Variants in IFT80 observed in about 807,000 individuals in gnomAD.
The protein encoded by IFT80 is intraflagellar transport 80.
IFT80 carries 79 observed loss-of-function variants against 107.9 expected under a neutral mutation model. That is an observed-to-expected ratio of 0.73 (90% CI 0.61 to 0.88). The LOEUF (loss-of-function observed/expected upper bound fraction) is 0.88. Among genes scored for constraint, IFT80 ranks in the 40% least tolerant of loss-of-function variants. The pLI is 0.00. For missense variants in IFT80, 797 were observed against 914.2 expected, an observed-to-expected ratio of 0.87 and a Z score of 1.65; for synonymous variants, 299 against 300.9, an observed-to-expected ratio of 0.99 and a Z score of 0.07.
chr3:160,286,849 C>G (rs1715131069), intron 12 of IFT80, among the ~76,000 whole-genome samples: 1 of 151,832 alleles, frequency 6.6e-6, no homozygotes, highest in African/African-American at 2.4e-5. Flanking sequence ...GGTCTTTGTC[C>G]TGGAGCTTCA....
chr3:160,365,765 G>A (rs537161111), intron 6 of IFT80, among the ~76,000 whole-genome samples: 1 of 152,152 alleles, frequency 6.6e-6, no homozygotes, highest in Non-Finnish European at 1.5e-5. Context: ...ATAGGTAAGT[G>A]AGTGAAGATT....
chr3:160,283,711 A>G (rs1227982470), intron 13 of IFT80, among the ~76,000 whole-genome samples: 1 of 152,214 alleles, frequency 6.6e-6, no homozygotes, highest in East Asian at 1.9e-4. Flanking sequence ...ATTCTTTTAA[A>G]AACACTGTTA....
intron 4 of IFT80, among the ~76,000 whole-genome samples, chr3:160,376,453 C>T (rs987061821): frequency 2.6e-5 from 4 of 152,122 alleles, no homozygotes; most frequent in Non-Finnish European, 5.9e-5. Context: ...CATTGGAAAA[C>T]ATGTTAAAGA....
chr3:160,356,084 C>A lies in IFT80; in HGVS notation c.706G>T (p.Ala236Ser). The stretch of plus-strand genomic sequence containing the variant: ...AATAATTCTCCATCTGGAGCCCAGG[C>A]AACTGAAGTAATGGGATGCTCATGA... ...QPHEHPITSV[A>S]WAPDGELFAV... Residue 236 changes from alanine to serine, a missense_variant, in exon 8 of 20, where the codon GCC (alanine) becomes TCC (serine). Physicochemically the swap from Ala to Ser is moderately conservative, Grantham distance 99. Coordinates refer to ENST00000326448, the MANE Select transcript of IFT80 (RefSeq NM_020800.3). 6.2e-7 allele frequency: 1 copy of A among 1,614,136 alleles called. No homozygotes were observed. The highest frequency in any genetic ancestry group is 1.3e-5 in the African/African-American group (1 of 75,040).
At chr3:160,283,489 T>C (rs1274810755) in intron 13 of IFT80, among the ~76,000 whole-genome samples, 1 of 152,150 alleles carries the variant, frequency 6.6e-6, no homozygotes, top group African/African-American at 2.4e-5. Flanking sequence ...GAATCAGTCA[T>C]ATACCAGTTC....
At chr3:160,271,599 G>A (rs184421901) in intron 18 of IFT80, among the ~76,000 whole-genome samples, 21 of 152,102 alleles carry the variant, frequency 1.4e-4, no homozygotes, top group African/African-American at 4.1e-4. Context: ...TACCTTATTA[G>A]GTTGCAGGCA....
At chr3:160,268,309 A>G in intron 19 of IFT80, 104 bp downstream of exon 19, 1 of 1,053,060 alleles carries the variant, frequency 9.5e-7, no homozygotes, top group Non-Finnish European at 1.4e-6. Context: ...TTTAGAGGTT[A>G]AAAGATTCAA....
intron 12 of IFT80, among the ~76,000 whole-genome samples, chr3:160,292,542 C>T (rs529167452): frequency 5.1e-4 from 75 of 145,666 alleles, no homozygotes; most frequent in Non-Finnish European, 9.1e-4. Context: ...TGCAGTGGCG[C>T]GATCTCAGCT....
intron 12 of IFT80, among the ~76,000 whole-genome samples, chr3:160,289,093 T>C (rs1715329500): frequency 6.6e-6 from 1 of 152,098 alleles, no homozygotes; most frequent in South Asian, 2.1e-4. Context: ...ATAAAGAAAA[T>C]GTTGTACATA....
Position 160,331,233 on chromosome 3 carries a change from C to G in IFT80, c.778-11294G>C, listed in dbSNP as rs114891537. ...AATACTGTGACAGTTGATCTGATAACTAAGCCAGCTACTAAGTAACTTACG... is the reference window on the plus strand; with the variant it reads ...AATACTGTGACAGTTGATCTGATAAGTAAGCCAGCTACTAAGTAACTTACG... On this transcript the variant is annotated intron_variant, in intron 8 of 19. Transcript: ENST00000326448. 4.4e-3 allele frequency among the ~76,000 whole-genome samples: 673 copies of G among 152,274 alleles called. 3 individuals carry two copies. The highest frequency in any genetic ancestry group is 7.1e-3 in the Non-Finnish European group (480 of 68,020).
chr3:160,302,428 T>C (rs1320557052), intron 11 of IFT80, among the ~76,000 whole-genome samples: 1 of 152,050 alleles, frequency 6.6e-6, no homozygotes, highest in African/African-American at 2.4e-5. Context: ...TGACATATAT[T>C]AGTATATATT....
chr3:160,331,432 T>C (rs955362142), intron 8 of IFT80, among the ~76,000 whole-genome samples: 2 of 152,144 alleles, frequency 1.3e-5, no homozygotes, highest in Admixed American at 1.3e-4. Flanking sequence ...TGGTTGACCA[T>C]AGGTAACTGA....
intron 19 of IFT80, among the ~76,000 whole-genome samples, chr3:160,267,578 T>G (rs1713442343): frequency 6.6e-6 from 1 of 152,192 alleles, no homozygotes; most frequent in Admixed American, 6.5e-5. Context: ...GCTTCTTGGA[T>G]CTATATGGCT....
At position 160,301,114 on chromosome 3, in the gene IFT80, G is replaced by T. The variant is rs759224936; in HGVS notation, c.1152-68C>A. ...ACTTTATTTTTGTTTTCATATTACA[G>T]AATAGTTTATCCTTGGGAAAAAAAA... On this transcript the variant is annotated intron_variant, in intron 11 of 19. Transcript: ENST00000326448. The T allele has an allele frequency of 5.1e-6, 7 of 1,365,942 alleles. No individual in the cohort carries two copies. In the East Asian group the frequency reaches 1.7e-4, roughly 34 times the overall value. The allele number at this position is 1,365,942 out of a possible 1,614,324, so 84.6% of individuals were successfully genotyped here.
intron 5 of IFT80, chr3:160,373,674 TG>T: frequency 5.8e-6 from 1 of 172,556 alleles, no homozygotes. Flanking sequence ...TGGTCACTGC[TG>T]GGGGTGATGG....
chr3:160,265,071 T>C (rs138792291), intron 19 of IFT80, among the ~76,000 whole-genome samples: 3 of 152,272 alleles, frequency 2.0e-5, no homozygotes, highest in East Asian at 3.9e-4. Flanking sequence ...ATTATCACAA[T>C]TGAAATGAAC....
chr3:160,307,704 T>A lies in IFT80; in HGVS notation c.1035A>T (p.Ala345=), dbSNP rs1355657595. Reference sequence around the variant, plus strand: ...GAAGAGACGTTGAAACAACTAAGTGTGCATAGTTCAAAGATGCTTTAATGA... The same window carrying A: ...GAAGAGACGTTGAAACAACTAAGTGAGCATAGTTCAAAGATGCTTTAATGA... The part of the protein sequence containing the change: ...DRVIKASLNY[A]HLVVSTSLQC... Residue 345 remains alanine, a synonymous_variant, in exon 10 of 20, where the codon GCA becomes GCT. Coordinates refer to ENST00000326448, the MANE Select transcript of IFT80 (RefSeq NM_020800.3). The A allele has an allele frequency of 6.3e-7, 1 of 1,599,084 alleles. No homozygotes were observed. The highest frequency in any genetic ancestry group is 1.1e-5 in the South Asian group (1 of 90,798).
chr3:160,296,446 T>G (rs1347696640), intron 12 of IFT80, among the ~76,000 whole-genome samples: 1 of 152,116 alleles, frequency 6.6e-6, no homozygotes, highest in Non-Finnish European at 1.5e-5. Context: ...TCTTTACCTG[T>G]ATATTGTTAT....
At chr3:160,259,371 A>G (rs1712629528) in intron 19 of IFT80, among the ~76,000 whole-genome samples, 1 of 152,158 alleles carries the variant, frequency 6.6e-6, no homozygotes, top group Admixed American at 6.5e-5. Flanking sequence ...CTGGTTACCA[A>G]GCCATTTTTC....
Sources: gnomAD v4.1 joint callset for allele counts (sites outside exome capture counted in the v4.1 genomes callset) on GRCh38, gnomAD v4.1.1 for gene constraint, MANE v1.5 for transcripts, NCBI Gene and HGNC (gene_info 2026-07-23, HGNC 2026-07-21) for gene names.